CDH23: variants seen among roughly 807,000 people sequenced by gnomAD.
The protein encoded by CDH23 is cadherin-23.
Under a neutral mutation model 317.1 loss-of-function variants are expected in CDH23, and 189 were observed. That is an observed-to-expected ratio of 0.60 (90% CI 0.53 to 0.67). The LOEUF is 0.67. CDH23 is among the 30% of genes least tolerant of loss of function. The pLI is 0.00. For synonymous variants in CDH23, 1,839 were observed against 1,876.8 expected, an observed-to-expected ratio of 0.98 and a Z score of 0.52; for missense variants, 4,401 against 4,592.4, an observed-to-expected ratio of 0.96 and a Z score of 1.20.
intron 3 of CDH23, among the ~76,000 whole-genome samples, chr10:71,458,428 T>C (rs1850806373): frequency 6.6e-6 from 1 of 152,226 alleles, no homozygotes; most frequent in Non-Finnish European, 1.5e-5. Flanking sequence ...CACAGGCAAG[T>C]CCCTTAACCT....
At chr10:71,429,826 A>T (rs1849284700) in intron 1 of CDH23, among the ~76,000 whole-genome samples, 1 of 152,196 alleles carries the variant, frequency 6.6e-6, no homozygotes, top group South Asian at 2.1e-4. Flanking sequence ...GCTGTATGAG[A>T]TGAAGTAGAC....
chr10:71,766,123 A>G (rs1043359781), intron 38 of CDH23, among the ~76,000 whole-genome samples: 2 of 152,252 alleles, frequency 1.3e-5, no homozygotes, highest in African/African-American at 2.4e-5. Flanking sequence ...GAAGCTGTGC[A>G]GCCCGGCTAA....
At chr10:71,770,204 A>T (rs796456036) in intron 38 of CDH23, among the ~76,000 whole-genome samples, 8 of 152,356 alleles carry the variant, frequency 5.3e-5, no homozygotes, top group African/African-American at 1.9e-4. Flanking sequence ...AAGAAATACC[A>T]TAATATTACA....
intron 3 of CDH23, among the ~76,000 whole-genome samples, chr10:71,454,838 A>G (rs1320656299): frequency 7.5e-6 from 1 of 133,432 alleles, no homozygotes; most frequent in Non-Finnish European, 1.5e-5. Context: ...TATTTTTTTT[A>G]CATTTTATTT....
chr10:71,516,419 A>G (rs548867209), intron 6 of CDH23, among the ~76,000 whole-genome samples: 10 of 152,316 alleles, frequency 6.6e-5, no homozygotes, highest in South Asian at 2.1e-4. Context: ...CCTGGGCCCC[A>G]CTAACCTGAA....
At chr10:71,804,653 T>C (rs1217419993) in intron 55 of CDH23, among the ~76,000 whole-genome samples, 1 of 152,228 alleles carries the variant, frequency 6.6e-6, no homozygotes, top group Non-Finnish European at 1.5e-5. Context: ...CGGCAGTGAT[T>C]GAGCAGTCGG....
chr10:71,806,437 G>C lies in CDH23; in HGVS notation c.8178+156G>C, dbSNP rs150642213. 6.6e-5 allele frequency among the ~76,000 whole-genome samples: 10 copies of C among 151,820 alleles called. No individual in the cohort carries two copies. The East Asian group carries it at 1.9e-3, about 29-fold the overall frequency. On this transcript the variant is annotated intron_variant, in intron 57 of 69. Coordinates refer to ENST00000224721, the MANE Select transcript of CDH23 (RefSeq NM_022124.6). ...TCATGCAAGAACAACTATTTATTGA[G>C]CAGCTGTGTTACACTATATTGAGCT...
At chr10:71,712,871 C>A in intron 28 of CDH23, 58 bp downstream of exon 28, 1 of 1,575,784 alleles carries the variant, frequency 6.3e-7, no homozygotes, top group Non-Finnish European at 8.6e-7. Flanking sequence ...GAGCCACACA[C>A]GGCCCTGAGG....
At chr10:71,814,201 G>C (rs1022923771) in intron 69 of CDH23, among the ~76,000 whole-genome samples, 1 of 152,218 alleles carries the variant, frequency 6.6e-6, no homozygotes, top group Non-Finnish European at 1.5e-5. Context: ...AACAAACCCA[G>C]ATACCACAGT....
intron 38 of CDH23, among the ~76,000 whole-genome samples, chr10:71,766,523 G>A (rs551075201): frequency 6.6e-6 from 1 of 152,292 alleles, no homozygotes; most frequent in African/African-American, 2.4e-5. Flanking sequence ...TGTGCCCTTG[G>A]GCAGATCCCA....
chr10:71,405,477 G>A (rs1403055542), intron 1 of CDH23, among the ~76,000 whole-genome samples: 7 of 147,126 alleles, frequency 4.8e-5, no homozygotes, highest in Admixed American at 2.7e-4. Flanking sequence ...CCTGTCGCCC[G>A]GACTGGAATG....
chr10:71,461,469 G>A (rs745801665), intron 3 of CDH23, among the ~76,000 whole-genome samples: 13 of 152,228 alleles, frequency 8.5e-5, no homozygotes, highest in Non-Finnish European at 1.6e-4. Context: ...AGGGAATGAC[G>A]GGAGACACAC....
chr10:71,549,763 C>T (rs1381692333), intron 6 of CDH23, among the ~76,000 whole-genome samples: 1 of 152,192 alleles, frequency 6.6e-6, no homozygotes, highest in Non-Finnish European at 1.5e-5. Flanking sequence ...TTTCTTGGGG[C>T]CTCACTTACT....
At chr10:71,659,421 G>A (rs1863551513) in intron 14 of CDH23, among the ~76,000 whole-genome samples, 1 of 152,192 alleles carries the variant, frequency 6.6e-6, no homozygotes, top group African/African-American at 2.4e-5. Context: ...GTGGGTAGGG[G>A]ACCCACAGAG....
At chr10:71,424,220 A>T (rs1294359589) in intron 1 of CDH23, among the ~76,000 whole-genome samples, 1 of 152,198 alleles carries the variant, frequency 6.6e-6, no homozygotes, top group East Asian at 1.9e-4. Flanking sequence ...TCCCCGCCTG[A>T]TGGTTCCCAG....
chr10:71,486,561 G>T (rs548009309), intron 3 of CDH23, among the ~76,000 whole-genome samples: 41 of 152,082 alleles, frequency 2.7e-4, no homozygotes, highest in Non-Finnish European at 4.6e-4. Flanking sequence ...GTCTACCAGG[G>T]TTTCCCCAAA....
intron 3 of CDH23, among the ~76,000 whole-genome samples, chr10:71,469,461 A>G (rs753504884): frequency 1.1e-4 from 16 of 152,240 alleles, no homozygotes; most frequent in Non-Finnish European, 1.8e-4. Flanking sequence ...TATATTGTGT[A>G]TAACCACAGT....
intron 19 of CDH23, 83 bp from the exon 20 acceptor site, chr10:71,690,385 A>C: frequency 9.7e-7 from 1 of 1,029,956 alleles, no homozygotes; most frequent in South Asian, 1.5e-5. Context: ...GGCCAGCGCA[A>C]ATGCTGCTCC....
At chr10:71,765,205 T>A (rs1840505346) in intron 38 of CDH23, among the ~76,000 whole-genome samples, 1 of 152,276 alleles carries the variant, frequency 6.6e-6, no homozygotes. Context: ...TGCCCCTTTC[T>A]CCCTTTGCCT....
Sources: gnomAD v4.1 joint callset for allele counts (sites outside exome capture counted in the v4.1 genomes callset) on GRCh38, gnomAD v4.1.1 for gene constraint, MANE v1.5 for transcripts, NCBI Gene and HGNC (gene_info 2026-07-23, HGNC 2026-07-21) for gene names.